The following MLLT3 variants were observed in gnomAD, a reference collection of about 807,000 sequenced individuals.
MLLT3 encodes MLLT3 super elongation complex subunit, also known as protein AF-9.
MLLT3 carries 4 observed loss-of-function variants against 53.2 expected under a neutral mutation model. The ratio of observed to expected loss-of-function variants is 0.08; its 90% confidence interval spans 0.04 to 0.17. MLLT3 has a LOEUF of 0.17. Among genes scored for constraint, MLLT3 ranks in the 10% least tolerant of loss-of-function variants. MLLT3 has a pLI of 1.00. For missense variants in MLLT3, 569 were observed against 684.0 expected (o/e 0.83, Z 1.87); for synonymous variants, 283 against 230.6 (o/e 1.23, Z -2.06).
intron 2 of MLLT3, among the ~76,000 whole-genome samples, chr9:20,619,762 C>A (rs889980422): frequency 5.3e-5 from 8 of 152,180 alleles, no homozygotes; most frequent in African/African-American, 1.9e-4. Context: ...AAATGACACT[C>A]CGTTTCTTTT....
intron 4 of MLLT3, among the ~76,000 whole-genome samples, chr9:20,443,145 G>A (rs1282468680): frequency 6.6e-6 from 1 of 151,696 alleles, no homozygotes; most frequent in Non-Finnish European, 1.5e-5. Flanking sequence ...AGGGAAGGAA[G>A]AAAGAAAGGC....
chr9:20,613,115 T>C (rs558455512), intron 2 of MLLT3, among the ~76,000 whole-genome samples: 5 of 152,216 alleles, frequency 3.3e-5, no homozygotes, highest in South Asian at 2.1e-4. Flanking sequence ...TGGCTCTTTA[T>C]AGATGAAATG....
chr9:20,618,745 G>A (rs917923371), intron 2 of MLLT3, among the ~76,000 whole-genome samples: 3 of 151,984 alleles, frequency 2.0e-5, no homozygotes, highest in African/African-American at 7.3e-5. Context: ...TGTTCCCTCA[G>A]GGCAGACAGA....
At chr9:20,572,532 G>A (rs1200125077) in intron 2 of MLLT3, among the ~76,000 whole-genome samples, 2 of 152,078 alleles carry the variant, frequency 1.3e-5, no homozygotes, top group Non-Finnish European at 2.9e-5. Flanking sequence ...GGTGGCTCAC[G>A]CCTGTAATCC....
At chr9:20,573,093 G>A (rs577526000) in intron 2 of MLLT3, among the ~76,000 whole-genome samples, 5 of 151,036 alleles carry the variant, frequency 3.3e-5, no homozygotes, top group Non-Finnish European at 7.4e-5. Context: ...TTGAAAACTA[G>A]GTCAAAGTAA....
At chr9:20,521,942 G>C (rs1321426904) in intron 2 of MLLT3, among the ~76,000 whole-genome samples, 3 of 150,688 alleles carry the variant, frequency 2.0e-5, no homozygotes, top group African/African-American at 7.3e-5. Context: ...AAATGTAATA[G>C]GAACTAAAGG....
At chr9:20,489,745 C>G (rs1030902334) in intron 2 of MLLT3, among the ~76,000 whole-genome samples, 1 of 152,126 alleles carries the variant, frequency 6.6e-6, no homozygotes, top group African/African-American at 2.4e-5. Flanking sequence ...GACAGTAAGT[C>G]TGTCGTAGCA....
chr9:20,379,241 C>G (rs1295386201), intron 5 of MLLT3, among the ~76,000 whole-genome samples: 1 of 152,028 alleles, frequency 6.6e-6, no homozygotes, highest in Non-Finnish European at 1.5e-5. Context: ...ACAGCCTGGA[C>G]GTTGAAAAGC....
chr9:20,622,429 C>CGCTT lies in MLLT3; in HGVS notation c.-177_-174dup, dbSNP rs1445671690. ...CCCCGCGCTCGCTTGCTCGCTCGCT[C>CGCTT]GCTTATTAAACTCAGCCCCAAAAGC... On this transcript the variant is annotated 5_prime_UTR_variant, in exon 1 of 11. Coordinates refer to ENST00000380338, the MANE Select transcript of MLLT3 (RefSeq NM_004529.4). 20 of 601,012 alleles carry CGCTT rather than the reference C, an allele frequency of 3.3e-5. No homozygotes were observed. The East Asian group carries it at 5.1e-4, about 15-fold the overall frequency. 37.2% of individuals were successfully genotyped at this position (601,012 alleles called of 1,614,324 possible).
chr9:20,473,958 T>A (rs7047471), intron 2 of MLLT3, among the ~76,000 whole-genome samples: 92,669 of 151,874 alleles, frequency 0.61, 30,053 homozygotes, highest in African/African-American at 0.84. Context: ...AAGGCCAGAG[T>A]TGATGCCCAA....
intron 2 of MLLT3, among the ~76,000 whole-genome samples, chr9:20,543,637 G>T (rs1818702476): frequency 6.6e-6 from 1 of 151,786 alleles, no homozygotes; most frequent in South Asian, 2.1e-4. Flanking sequence ...ATGAGACCCT[G>T]TCCCAGAAAG....
At position 20,620,833 on chromosome 9, in the gene MLLT3, C is replaced by A; in HGVS notation, c.14G>T (p.Cys5Phe). 6.2e-7 allele frequency: 1 copy of A among 1,614,016 alleles called. No homozygotes were observed. Among genetic ancestry groups the A allele is most frequent in the Non-Finnish European group, 8.5e-7 (1 of 1,179,974 alleles). Reference protein sequence around the residue: MASSCAVQVKLELGH... With the variant: MASSFAVQVKLELGH... ...CAGCTCCAGCTTCACCTGCACGGCA[C>A]ACTGCGGGCAGGGGGAGGAGAGACA... Residue 5 changes from cysteine (C) to phenylalanine (F), a missense_variant and splice_region_variant, in exon 2 of 11, where the codon TGT becomes TTT. Cys to Phe is a radical substitution (Grantham distance 205). Coordinates refer to ENST00000380338, the MANE Select transcript of MLLT3 (RefSeq NM_004529.4). The surrounding 1 kb of genome is among the most constrained non-coding windows in gnomAD (Gnocchi z 6.1).
chr9:20,468,478 T>C (rs1335615474), intron 2 of MLLT3, among the ~76,000 whole-genome samples: 1 of 152,062 alleles, frequency 6.6e-6, no homozygotes, highest in Non-Finnish European at 1.5e-5. Flanking sequence ...GAGCACATAT[T>C]GTGAAAAAGC....
intron 2 of MLLT3, among the ~76,000 whole-genome samples, chr9:20,495,646 G>A (rs1825064349): frequency 6.6e-6 from 1 of 151,998 alleles, no homozygotes; most frequent in Admixed American, 6.6e-5. Context: ...ACTGAAAATA[G>A]GTATATCTGT....
At chr9:20,496,558 A>G (rs998871013) in intron 2 of MLLT3, among the ~76,000 whole-genome samples, 4 of 152,172 alleles carry the variant, frequency 2.6e-5, no homozygotes, top group Admixed American at 2.6e-4. Context: ...ACACACACAC[A>G]TTAAAAAAAA....
chr9:20,567,302 A>G lies in MLLT3; in HGVS notation c.193+53352T>C, dbSNP rs79979655. On this transcript the variant is annotated intron_variant, in intron 2 of 10. Coordinates refer to ENST00000380338, the MANE Select transcript of MLLT3 (RefSeq NM_004529.4). ...AAGAGCTGAAAGTAGTACTATATTC[A>G]GTAAAAAAAAAAAAAAAAAAAAAAA... Among the ~76,000 whole-genome samples, 1,219 of 117,840 alleles carry G rather than the reference A, an allele frequency of 0.01. 45 individuals carry two copies. The East Asian group carries it at 0.17, about 17-fold the overall frequency. 77.3% of individuals were successfully genotyped at this position (117,840 alleles called of 152,430 possible). A position where few individuals can be genotyped will look rare whatever the true frequency, so the allele number is the denominator to read the frequency against.
intron 2 of MLLT3, among the ~76,000 whole-genome samples, chr9:20,589,278 T>G (rs1299488845): frequency 6.6e-6 from 1 of 152,016 alleles, no homozygotes; most frequent in Non-Finnish European, 1.5e-5. Context: ...GTTCATGTCC[T>G]TTGTAGGGAC....
rs150820364 is a variant in MLLT3, at chr9:20,413,182, T to G, written c.1125+539A>C. On this transcript the variant is annotated intron_variant, in intron 5 of 10. Transcript: ENST00000380338. ...TACACAAATGTTAAAATTTATCAAA[T>G]TATACATTTTACATATGTGTAGTAT... Among the ~76,000 whole-genome samples, 1,129 of 152,310 alleles carry G rather than the reference T, an allele frequency of 7.4e-3. 15 individuals are homozygous for G. Among genetic ancestry groups the G allele is most frequent in the African/African-American group, 0.026 (1,072 of 41,556 alleles).
intron 2 of MLLT3, among the ~76,000 whole-genome samples, chr9:20,522,187 A>G (rs745801129): frequency 9.9e-5 from 15 of 151,894 alleles, no homozygotes; most frequent in Non-Finnish European, 1.9e-4. Flanking sequence ...TTAAAGTACT[A>G]CTGTAGTACA....
Sources: gnomAD v4.1 joint callset for allele counts (sites outside exome capture counted in the v4.1 genomes callset) on GRCh38, gnomAD v4.1.1 for gene constraint, Gnocchi (gnomAD v3.1) non-coding constraint, MANE v1.5 for transcripts, NCBI Gene and HGNC (gene_info 2026-07-23, HGNC 2026-07-21) for gene names.